Variants in ABR observed in about 807,000 individuals in gnomAD.
ABR encodes active breakpoint cluster region-related protein.
ABR carries 35 observed loss-of-function variants against 107.2 expected under a neutral mutation model. The observed-to-expected ratio is 0.33, with a 90% CI of 0.25 to 0.43. The LOEUF is 0.43. Among genes scored for constraint, ABR ranks in the 20% least tolerant of loss-of-function variants. The pLI, the probability that ABR is intolerant of heterozygous loss-of-function variation, is 1.00. For synonymous variants in ABR, 498 were observed against 462.0 expected (o/e 1.08, Z -1.00); for missense variants, 815 against 1,115.2 (o/e 0.73, Z 3.83).
rs2070462491 is a variant in ABR, at chr17:1,010,747, C to G, written c.2218G>C (p.Ala740Pro). Residue 740 changes from alanine (A) to proline (P), a missense_variant, in exon 20 of 23, where the codon GCC becomes CCC. Physicochemically the swap from Ala to Pro is conservative, Grantham distance 27 (BLOSUM62 -1). Around this residue, in one of 5 missense-constraint regions of ABR, gnomAD observed 175 missense variants for 284.3 expected, o/e 0.62. Coordinates refer to ENST00000302538, the MANE Select transcript of ABR (RefSeq NM_021962.5). This position sits in a 1 kb window ranked among gnomAD's most constrained non-coding sequence, Gnocchi z 4.1. Reference sequence around the variant, plus strand: ...GCCTCACCGATGCCCTCCATGAAGGCTGGGTAGAGTCGGTCCGTGAGGAGC... The same window carrying G: ...GCCTCACCGATGCCCTCCATGAAGGGTGGGTAGAGTCGGTCCGTGAGGAGC... ...EPLLTDRLYP[A>P]FMEGIALSDP... 6.2e-7 allele frequency: 1 copy of G among 1,613,598 alleles called. No individual in the cohort carries two copies. The highest frequency in any genetic ancestry group is 8.5e-7 in the Non-Finnish European group (1 of 1,180,010).
At chr17:1,087,566 G>A (rs2151279285) in intron 4 of ABR, among the ~76,000 whole-genome samples, 1 of 151,996 alleles carries the variant, frequency 6.6e-6, no homozygotes, top group South Asian at 2.1e-4. Flanking sequence ...AGTTTTAAAG[G>A]GGGTGGGGCC....
At chr17:1,009,289 C>T (rs2070330953) in intron 21 of ABR, among the ~76,000 whole-genome samples, 1 of 137,322 alleles carries the variant, frequency 7.3e-6, no homozygotes, top group South Asian at 2.4e-4. Context: ...TGTCCACCCC[C>T]CACTGCATCT....
At position 1,150,104 on chromosome 17, in the gene ABR, C is replaced by G. The variant is rs899419172; in HGVS notation, c.62-24737G>C. Among the ~76,000 whole-genome samples, 3 of 151,904 alleles carry G rather than the reference C, an allele frequency of 2.0e-5. No homozygotes were observed. The highest frequency in any genetic ancestry group is 7.3e-5 in the African/African-American group (3 of 41,340). ...CCCCATAGTCCCGGCCTGGGAGAGACACCGAGAGGAAGGCCAGCTTGCCCG... is the reference window on the plus strand; with the variant it reads ...CCCCATAGTCCCGGCCTGGGAGAGAGACCGAGAGGAAGGCCAGCTTGCCCG... On this transcript the variant is annotated intron_variant, in intron 1 of 22. Transcript: ENST00000302538. This position sits in a 1 kb window ranked among gnomAD's most constrained non-coding sequence, Gnocchi z 4.8.
intron 2 of ABR, among the ~76,000 whole-genome samples, chr17:1,107,582 G>A (rs2038345011): frequency 6.6e-6 from 1 of 152,212 alleles, no homozygotes; most frequent in African/African-American, 2.4e-5. Flanking sequence ...GGGCTTCCCA[G>A]AGGAGGCCCA....
At chr17:1,164,852 C>A (rs568012884) in intron 1 of ABR, among the ~76,000 whole-genome samples, 7 of 152,018 alleles carry the variant, frequency 4.6e-5, no homozygotes, top group Non-Finnish European at 8.8e-5. Flanking sequence ...ATTTTTATTA[C>A]AGACAAGTTC....
Position 1,005,178 on chromosome 17 carries a change from G to T in ABR, c.*902C>A, listed in dbSNP as rs996915484. 4.0e-5 allele frequency: 16 copies of T among 398,618 alleles called. 1 individual carries two copies. Among genetic ancestry groups the T allele is most frequent in the Non-Finnish European group, 6.2e-5 (14 of 226,172 alleles). The allele number at this position is 398,618 out of a possible 1,614,324, so 24.7% of individuals were successfully genotyped here. A position where few individuals can be genotyped will look rare whatever the true frequency, so the allele number is the denominator to read the frequency against. On this transcript the variant is annotated 3_prime_UTR_variant, in exon 23 of 23. Transcript: ENST00000302538. ...TCCCCCATTCTCTCCTGACCCTCTG[G>T]CTATCTCGATAGCAGGTCACCTGTG...
chr17:1,217,424 G>C (rs1385850885), intron 1 of ABR, among the ~76,000 whole-genome samples: 1 of 152,176 alleles, frequency 6.6e-6, no homozygotes, highest in South Asian at 2.1e-4. Context: ...ACTAGTAACA[G>C]TGGGGATAAT....
chr17:1,192,305 T>C (rs533273900), upstream of ABR, among the ~76,000 whole-genome samples: 1 of 152,216 alleles, frequency 6.6e-6, no homozygotes, highest in South Asian at 2.1e-4. Context: ...TCACTGAATA[T>C]TCCCTGAGCC....
chr17:1,167,653 G>A (rs1387572406), intron 1 of ABR, among the ~76,000 whole-genome samples: 2 of 152,222 alleles, frequency 1.3e-5, no homozygotes, highest in African/African-American at 4.8e-5. Context: ...AAGTCTTGGG[G>A]AAGCATGAAA....
In ABR at chr17:1,012,544, T is replaced by C. The variant is rs1469252358; in HGVS notation, c.1961+144A>G. On this transcript the variant is annotated intron_variant, in intron 18 of 22. Transcript: ENST00000302538. ...TGAGCGCCTCTGCGGCCACTCTAGA[T>C]CCACACCGGCCATCTGCCACCGCCG... is the stretch of plus-strand genomic sequence containing the variant. 6 of 717,930 alleles carry C rather than the reference T, an allele frequency of 8.4e-6. No individual in the cohort carries two copies. The East Asian group carries it at 1.6e-4, about 19-fold the overall frequency. The allele number at this position is 717,930 out of a possible 1,614,324, so 44.5% of individuals were successfully genotyped here. A position where few individuals can be genotyped will look rare whatever the true frequency, so the allele number is the denominator to read the frequency against.
intron 18 of ABR, chr17:1,012,432 G>A (rs926886028): frequency 2.6e-5 from 18 of 684,660 alleles, no homozygotes; most frequent in Non-Finnish European, 3.2e-5. Context: ...AGAGCTTCCC[G>A]CTTGTTACGA....
intron 2 of ABR, among the ~76,000 whole-genome samples, chr17:1,104,867 G>A (rs1286279562): frequency 1.3e-5 from 2 of 152,194 alleles, no homozygotes; most frequent in Non-Finnish European, 2.9e-5. Context: ...ATTGCTGTCT[G>A]AGGTCTTAGG....
At chr17:1,061,602 A>C (rs935543857) in intron 10 of ABR, among the ~76,000 whole-genome samples, 8 of 151,730 alleles carry the variant, frequency 5.3e-5, no homozygotes, top group African/African-American at 1.7e-4. Flanking sequence ...GCTGGAGTGC[A>C]GTGGCGTGAT....
chr17:1,085,770 T>C (rs2036554637), intron 4 of ABR, among the ~76,000 whole-genome samples: 1 of 152,236 alleles, frequency 6.6e-6, no homozygotes, highest in Non-Finnish European at 1.5e-5. Flanking sequence ...TGATTACATG[T>C]TCAAATAATA....
At chr17:1,108,454 C>G (rs996563430) in intron 2 of ABR, among the ~76,000 whole-genome samples, 1 of 152,280 alleles carries the variant, frequency 6.6e-6, no homozygotes, top group Admixed American at 6.5e-5. Flanking sequence ...TCCAAGCCAG[C>G]TGTTCCCTCC....
At position 1,157,607 on chromosome 17, in the gene ABR, G is replaced by A. The variant is rs1172503755; in HGVS notation, c.61+22060C>T. 2.6e-5 allele frequency among the ~76,000 whole-genome samples: 4 copies of A among 152,218 alleles called. No individual in the cohort carries two copies. Among genetic ancestry groups the A allele is most frequent in the Admixed American group, 2.6e-4 (4 of 15,286 alleles). On this transcript the variant is annotated intron_variant, in intron 1 of 22. Transcript: ENST00000302538. This position sits in a 1 kb window ranked among gnomAD's most constrained non-coding sequence, Gnocchi z 4.7. ...GCTGGTCCCTCAGGCCACAGGCCAT[G>A]AGAAGCAGCAACTACAAGGGAAGAG...
intron 1 of ABR, among the ~76,000 whole-genome samples, chr17:1,198,583 A>C (rs890609429): frequency 6.6e-6 from 1 of 151,030 alleles, no homozygotes. Flanking sequence ...CTCTACTAAA[A>C]ATACAATATT....
chr17:1,190,245 C>T (rs1249555658), upstream of ABR, among the ~76,000 whole-genome samples: 3 of 152,198 alleles, frequency 2.0e-5, no homozygotes, highest in Non-Finnish European at 2.9e-5. Context: ...AACATGGAAA[C>T]GGCATAGAAA....
chr17:1,124,856 C>T (rs1253621314), intron 2 of ABR, among the ~76,000 whole-genome samples: 2 of 152,122 alleles, frequency 1.3e-5, no homozygotes, highest in Non-Finnish European at 2.9e-5. Flanking sequence ...GGGAGGAGAG[C>T]CTGGTCCTCT....
Sources: allele counts gnomAD v4.1 joint callset (sites outside exome capture counted in the v4.1 genomes callset), GRCh38; gene constraint gnomAD v4.1.1; regional missense constraint gnomAD v4.1.1; non-coding constraint Gnocchi (gnomAD v3.1); transcripts MANE v1.5; gene names NCBI Gene and HGNC (gene_info 2026-07-23, HGNC 2026-07-21).